NFATC3: variants seen among roughly 807,000 people sequenced by gnomAD.
The protein encoded by NFATC3 is nuclear factor of activated T cells 3, also known as nuclear factor of activated T-cells, cytoplasmic 3.
In NFATC3, 46 loss-of-function variants were observed where a neutral mutation model predicts 98.6. The ratio of observed to expected loss-of-function variants is 0.47; its 90% CI spans 0.37 to 0.60. NFATC3 has a LOEUF of 0.60. Ranked by LOEUF, NFATC3 falls within the 20% of genes least tolerant of loss-of-function variation. NFATC3 has a pLI of 0.00. For missense variants in NFATC3, 1,256 were observed against 1,295.5 expected (o/e 0.97, Z 0.47); for synonymous variants, 512 against 472.2 (o/e 1.08, Z -1.09).
chr16:68,123,108 A>C lies in NFATC3; in HGVS notation c.1225A>C (p.Thr409Pro). 1 of 1,597,616 alleles carries C rather than the reference A, an allele frequency of 6.3e-7. No individual in the cohort carries two copies. Among genetic ancestry groups the C allele is most frequent in the Non-Finnish European group, 8.5e-7 (1 of 1,177,976 alleles). ...CTGGAGCAAACCAAAGCCTGGCCACACCCCTATATTTCGGTGAGTTGATGG... is the reference window on the plus strand; with the variant it reads ...CTGGAGCAAACCAAAGCCTGGCCACCCCCCTATATTTCGGTGAGTTGATGG... ...FTWSKPKPGH[T>P]PIFRTSSLPP... is the part of the protein sequence containing the mutation. The change falls in exon 2 of 10, where the codon ACC becomes CCC. Residue 409 changes from threonine to proline, a missense_variant. Coordinates refer to ENST00000346183, the MANE Select transcript of NFATC3 (RefSeq NM_173165.3).
intron 6 of NFATC3, among the ~76,000 whole-genome samples, chr16:68,181,111 A>G (rs1478735839): frequency 6.6e-6 from 1 of 152,250 alleles, no homozygotes; most frequent in African/African-American, 2.4e-5. Flanking sequence ...AGTAGTTTAC[A>G]GTCCCACCAA....
intron 6 of NFATC3, among the ~76,000 whole-genome samples, chr16:68,179,958 A>G (rs1274528475): frequency 6.6e-6 from 1 of 152,204 alleles, no homozygotes; most frequent in African/African-American, 2.4e-5. Flanking sequence ...ACTTATTGTG[A>G]GAGTCAGCAT....
At chr16:68,164,605 C>T (rs1417393261) in intron 4 of NFATC3, among the ~76,000 whole-genome samples, 1 of 152,112 alleles carries the variant, frequency 6.6e-6, no homozygotes, top group East Asian at 1.9e-4. Context: ...TTTAAAATGG[C>T]ATGGTGGCTC....
chr16:68,087,700 C>G (rs1156490743), intron 1 of NFATC3, among the ~76,000 whole-genome samples: 2 of 152,110 alleles, frequency 1.3e-5, no homozygotes, highest in Non-Finnish European at 2.9e-5. Flanking sequence ...AACAGTTGCC[C>G]CATATTTTTC....
intron 9 of NFATC3, chr16:68,209,484 C>T: frequency 5.0e-6 from 1 of 200,048 alleles, no homozygotes; most frequent in Non-Finnish European, 1.1e-5. Flanking sequence ...GGTGTTGCTG[C>T]TGGAGGTGTG....
intron 9 of NFATC3, among the ~76,000 whole-genome samples, chr16:68,203,604 A>G (rs1470176761): frequency 1.3e-5 from 2 of 152,148 alleles, no homozygotes; most frequent in African/African-American, 4.8e-5. Context: ...CTGCACTTCA[A>G]CTTGGGCGAC....
intron 8 of NFATC3, among the ~76,000 whole-genome samples, chr16:68,184,643 A>G (rs564570697): frequency 7.2e-4 from 110 of 152,216 alleles, no homozygotes; most frequent in Non-Finnish European, 1.1e-3. Context: ...CTCTACTAAA[A>G]AATACAAAAA....
intron 3 of NFATC3, among the ~76,000 whole-genome samples, chr16:68,156,690 A>C (rs2038634246): frequency 6.6e-6 from 1 of 152,182 alleles, no homozygotes; most frequent in African/African-American, 2.4e-5. Context: ...CTGTAATCTC[A>C]GCACTTTGGG....
At chr16:68,119,430 G>T (rs375707799) in intron 1 of NFATC3, among the ~76,000 whole-genome samples, 3 of 151,996 alleles carry the variant, frequency 2.0e-5, no homozygotes, top group African/African-American at 7.2e-5. Context: ...TGCTCCAGTG[G>T]TTTCCCATCT....
intron 1 of NFATC3, among the ~76,000 whole-genome samples, chr16:68,114,836 G>A (rs749470440): frequency 9.9e-5 from 15 of 151,976 alleles, no homozygotes; most frequent in Non-Finnish European, 1.8e-4. Context: ...GCCTCCCAAA[G>A]TGCTGAGATT....
chr16:68,179,946 A>G (rs1214877775), intron 6 of NFATC3, among the ~76,000 whole-genome samples: 1 of 152,224 alleles, frequency 6.6e-6, no homozygotes, highest in Non-Finnish European at 1.5e-5. Context: ...CCTTGGTCAC[A>G]TACTTATTGT....
rs1362480683 is a variant in NFATC3 at position 68,228,026 on chromosome 16, C to T, written c.*1555C>T. On this transcript the variant is annotated 3_prime_UTR_variant, in exon 10 of 10. Transcript: ENST00000346183. ...ACTGCAGGCCCTTGATGCCAGGACT[C>T]TCTCTACTAAGGCCAGTTCAGGTCT... is the stretch of plus-strand genomic sequence containing the variant. 3 of 152,136 alleles carry T rather than the reference C, an allele frequency of 2.0e-5. No homozygotes were observed. Among genetic ancestry groups the T allele is most frequent in the African/African-American group, 7.2e-5 (3 of 41,424 alleles). The allele number at this position is 152,136 out of a possible 1,614,324, so 9.4% of individuals were successfully genotyped here. A position where few individuals can be genotyped will look rare whatever the true frequency, so the allele number is the denominator to read the frequency against.
chr16:68,127,387 TTTTTTTAAGGAAAGAA>T (rs1467436967), intron 3 of NFATC3, among the ~76,000 whole-genome samples: 3 of 152,018 alleles, frequency 2.0e-5, no homozygotes, highest in African/African-American at 4.8e-5. Flanking sequence ...AATGAATGGA[TTTTTTTAAGGAAAGAA>T]TTTTTTAAGG....
At position 68,158,013 on chromosome 16, in the gene NFATC3, G is replaced by C. The variant is rs751445565; in HGVS notation, c.1546G>C (p.Ala516Pro). ...VATASQEIII[A>P]STKVLEIPLL... ...TACTGCAAGCCAAGAGATAATAATT[G>C]CCAGTACAAAAGTTCTGGAAATTCC... is the stretch of plus-strand genomic sequence containing the variant. Residue 516 changes from alanine (A) to proline (P), a missense_variant, in exon 4 of 10, where the codon GCC becomes CCC. By Grantham distance (27) the Ala-to-Pro change is conservative. Around this residue, in one of 3 missense-constraint regions of NFATC3, gnomAD observed 156 missense variants for 212.4 expected, o/e 0.73. Transcript: ENST00000346183. The C allele has an allele frequency of 3.2e-5, 51 of 1,613,704 alleles. No individual in the cohort carries two copies. The highest frequency in any genetic ancestry group is 4.3e-5 in the Non-Finnish European group (51 of 1,179,822).
At chr16:68,137,193 G>A (rs2037466592) in intron 3 of NFATC3, among the ~76,000 whole-genome samples, 1 of 152,046 alleles carries the variant, frequency 6.6e-6, no homozygotes, top group Non-Finnish European at 1.5e-5. Flanking sequence ...GACACGTTGT[G>A]CAGCTGTACA....
Position 68,126,607 on chromosome 16 carries a change from G to A in NFATC3, c.1398G>A (p.Val466=), listed in dbSNP as rs745988638. The A allele has an allele frequency of 2.2e-5, 36 of 1,614,090 alleles. No individual in the cohort carries two copies. The highest frequency in any genetic ancestry group is 3.0e-5 in the Non-Finnish European group (35 of 1,179,966). ...CATCTACTGGGGGACATCCTGTTGTGAAGGTATGAGACTTTTGGGGCTTGT... is the reference window on the plus strand; with the variant it reads ...CATCTACTGGGGGACATCCTGTTGTAAAGGTATGAGACTTTTGGGGCTTGT... ...VKASTGGHPV[V]KLLGYNEKPI... is the part of the protein sequence containing the mutation. The change falls in exon 3 of 10, where the codon GTG becomes GTA. Residue 466 remains valine, a synonymous_variant. Coordinates refer to ENST00000346183, the MANE Select transcript of NFATC3 (RefSeq NM_173165.3).
At chr16:68,142,590 T>C (rs1338706658) in intron 3 of NFATC3, among the ~76,000 whole-genome samples, 6 of 152,016 alleles carry the variant, frequency 3.9e-5, no homozygotes, top group African/African-American at 1.4e-4. Context: ...AAACCCTGTC[T>C]CTACTAAAAA....
Position 68,228,169 on chromosome 16 carries a change from A to G in NFATC3, c.*1698A>G, listed in dbSNP as rs1179715333. On this transcript the variant is annotated 3_prime_UTR_variant, in exon 10 of 10. Coordinates refer to ENST00000346183, the MANE Select transcript of NFATC3 (RefSeq NM_173165.3). ...AAAATATATTTTAGATTTCTCCCCT[A>G]AAGTTAGTTAGAGAAAAAGGTCTAT... 3 of 152,188 alleles carry G rather than the reference A, an allele frequency of 2.0e-5. No homozygotes were observed. The highest frequency in any genetic ancestry group is 4.4e-5 in the Non-Finnish European group (3 of 68,036). The allele number at this position is 152,188 out of a possible 1,614,324, so 9.4% of individuals were successfully genotyped here.
chr16:68,191,006 T>C lies in NFATC3; in HGVS notation c.2337T>C (p.His779=). 6.2e-7 allele frequency: 1 copy of C among 1,614,180 alleles called. No homozygotes were observed. The highest frequency in any genetic ancestry group is 8.5e-7 in the Non-Finnish European group (1 of 1,180,030). ...ATGAGAGTGTTAGTAAAGAACAGCA[T>C]ATGATTCCTTCTCCAATTGTACACC... ...CRDESVSKEQ[H]MIPSPIVHQP... is the part of the protein sequence containing the mutation. The change falls in exon 9 of 10, where the codon CAT becomes CAC. Residue 779 remains histidine, a synonymous_variant. Transcript: ENST00000346183.
Sources: allele counts gnomAD v4.1 joint callset (sites outside exome capture counted in the v4.1 genomes callset), GRCh38; gene constraint gnomAD v4.1.1; regional missense constraint gnomAD v4.1.1; transcripts MANE v1.5; gene names NCBI Gene and HGNC (gene_info 2026-07-23, HGNC 2026-07-21).